Variants in IPO13 observed in about 807,000 individuals in gnomAD.
IPO13 encodes importin 13.
In IPO13, 28 loss-of-function variants were observed where a neutral mutation model predicts 115.5. That is an observed-to-expected ratio of 0.24 (90% CI 0.18 to 0.33). IPO13 has a LOEUF of 0.33. Among genes scored for constraint, IPO13 ranks in the 10% least tolerant of loss-of-function variants. The pLI is 1.00. For missense variants in IPO13, 785 were observed against 1,204.6 expected (o/e 0.65, Z 5.16); for synonymous variants, 414 against 478.9 (o/e 0.86, Z 1.77).
At position 43,966,101 on chromosome 1, in the gene IPO13, C is replaced by T; in HGVS notation, c.2398-474C>T. On this transcript the variant is annotated intron_variant, in intron 15 of 19. Coordinates refer to ENST00000372343, the MANE Select transcript of IPO13 (RefSeq NM_014652.4). The surrounding 1 kb of genome is among the most constrained non-coding windows in gnomAD (Gnocchi z 4.1). ...TTTTTGAGCAGGAGCTGGAGGGTGCCTCAGGAATACAGGAGGGACATGGGA... is the reference window on the plus strand; with the variant it reads ...TTTTTGAGCAGGAGCTGGAGGGTGCTTCAGGAATACAGGAGGGACATGGGA... The T allele has an allele frequency of 4.7e-6, 1 of 213,696 alleles. No individual in the cohort carries two copies. The highest frequency in any genetic ancestry group is 5.2e-5 in the Admixed American group (1 of 19,254). The allele number at this position is 213,696 out of a possible 1,614,324, so 13.2% of individuals were successfully genotyped here. A position where few individuals can be genotyped will look rare whatever the true frequency, so the allele number is the denominator to read the frequency against.
In IPO13 at chr1:43,958,286, C is replaced by A. The variant is rs1198100151; in HGVS notation, c.1749+18C>A. On this transcript the variant is annotated intron_variant, in intron 9 of 19. Transcript: ENST00000372343. This position sits in a 1 kb window ranked among gnomAD's most constrained non-coding sequence, Gnocchi z 6.3. The stretch of plus-strand genomic sequence containing the variant: ...TCCACAAGGTGCGGCTCAAAAGTTT[C>A]TAGGGGTCTCCTTGGAGGTCTTGTG... 3 of 1,614,000 alleles carry A rather than the reference C, an allele frequency of 1.9e-6. No homozygotes were observed. In the East Asian group the frequency reaches 6.7e-5, roughly 36 times the overall value.
At chr1:43,948,164 A>C (rs2085180561) in intron 1 of IPO13, among the ~76,000 whole-genome samples, 1 of 152,104 alleles carries the variant, frequency 6.6e-6, no homozygotes, top group Non-Finnish European at 1.5e-5. Flanking sequence ...TATTGGATGG[A>C]AGCCAGACCA....
At chr1:43,955,334 C>T (rs1189374835) in intron 2 of IPO13, among the ~76,000 whole-genome samples, 2 of 152,098 alleles carry the variant, frequency 1.3e-5, no homozygotes, top group Non-Finnish European at 2.9e-5. Context: ...TGTTCAATCA[C>T]CCCTGACAGA....
chr1:43,967,717 T>A lies in IPO13; in HGVS notation c.*35T>A. 4 of 1,581,804 alleles carry A rather than the reference T, an allele frequency of 2.5e-6. No homozygotes were observed. The highest frequency in any genetic ancestry group is 3.5e-6 in the Non-Finnish European group (4 of 1,151,098). ...CCATCCCATCCACCCCTTCTCTTCA[T>A]CCTTCCCTATTCCCAAAGAGTAAAC... is the stretch of plus-strand genomic sequence containing the variant. On this transcript the variant is annotated 3_prime_UTR_variant, in exon 20 of 20. Transcript: ENST00000372343. The surrounding 1 kb of genome is among the most constrained non-coding windows in gnomAD (Gnocchi z 6.1).
chr1:43,950,607 G>A (rs1409442515), intron 2 of IPO13, among the ~76,000 whole-genome samples: 1 of 150,566 alleles, frequency 6.6e-6, no homozygotes, highest in African/African-American at 2.5e-5. Context: ...GCTTTCAGTG[G>A]CTTCTCAATG....
At position 43,958,651 on chromosome 1, in the gene IPO13, G is replaced by A. The variant is rs962203715; in HGVS notation, c.1884+56G>A. 2.5e-6 allele frequency: 4 copies of A among 1,612,576 alleles called. No individual in the cohort carries two copies. The highest frequency in any genetic ancestry group is 3.4e-6 in the Non-Finnish European group (4 of 1,178,930). The stretch of plus-strand genomic sequence containing the variant: ...ACTGAGATGCTGTGGCTGATGAGGG[G>A]TGAGGTTGGAGCTGGCCCTCAGAGC... On this transcript the variant is annotated intron_variant, in intron 10 of 19. Transcript: ENST00000372343. The surrounding 1 kb of genome is among the most constrained non-coding windows in gnomAD (Gnocchi z 6.3).
rs555884453 is a variant in IPO13 at position 43,949,753 on chromosome 1, T to A, written c.421T>A (p.Cys141Ser). Residue 141 changes from cysteine to serine, a missense_variant, in exon 2 of 20, where the codon TGT becomes AGT. Physicochemically the swap from Cys to Ser is moderately radical, Grantham distance 112 (BLOSUM62 -1). Transcript: ENST00000372343. Reference sequence around the variant, plus strand: ...CAGCATGATGCCTGACGCTTGGCCATGTGCTGTGGCAGATATGGTACGACT... The same window carrying A: ...CAGCATGATGCCTGACGCTTGGCCAAGTGCTGTGGCAGATATGGTACGACT... ...ALSMMPDAWP[C>S]AVADMVRLFQ... 6.2e-7 allele frequency: 1 copy of A among 1,614,184 alleles called. No individual in the cohort carries two copies. The highest frequency in any genetic ancestry group is 2.2e-5 in the East Asian group (1 of 44,888).
At chr1:43,961,767 A>G (rs1293227725) in intron 14 of IPO13, among the ~76,000 whole-genome samples, 1 of 152,194 alleles carries the variant, frequency 6.6e-6, no homozygotes, top group Non-Finnish European at 1.5e-5. Flanking sequence ...TTAAAGTCAC[A>G]TCTTCTGGGC....
intron 15 of IPO13, 21 bp downstream of exon 15, chr1:43,964,342 T>G (rs2085308156): frequency 4.5e-6 from 7 of 1,557,172 alleles, no homozygotes; most frequent in Non-Finnish European, 6.2e-6. Context: ...GTTTTATTCA[T>G]TCACGTTCTG....
intron 14 of IPO13, 134 bp downstream of exon 14, chr1:43,961,396 G>A: frequency 1.3e-6 from 1 of 763,982 alleles, no homozygotes; most frequent in Admixed American, 1.8e-5. Context: ...GGAAACCTGT[G>A]AGATCAAGCA....
chr1:43,958,069 G>C lies in IPO13; in HGVS notation c.1633G>C (p.Val545Leu). ...TGCCCTAGGCAATCCTGAGCTGTCT[G>C]TCTCTTCTGTGTCCACCCTCAAGAA... ...LHALGNPELS[V>L]SSVSTLKKIC... The change falls in exon 8 of 20, where the codon GTC (valine) becomes CTC (leucine). Residue 545 changes from valine to leucine, a missense_variant. Val to Leu is a conservative substitution (Grantham distance 32). Around this residue, in one of 3 missense-constraint regions of IPO13, gnomAD observed 175 missense variants for 360.0 expected, o/e 0.49. Transcript: ENST00000372343. The surrounding 1 kb of genome is among the most constrained non-coding windows in gnomAD (Gnocchi z 6.3). The C allele has an allele frequency of 6.2e-7, 1 of 1,614,156 alleles. No individual in the cohort carries two copies. The highest frequency in any genetic ancestry group is 8.5e-7 in the Non-Finnish European group (1 of 1,180,018).
rs2085324940 is a variant in IPO13, at chr1:43,966,412, A to G, written c.2398-163A>G. On this transcript the variant is annotated intron_variant, in intron 15 of 19. Transcript: ENST00000372343. This position sits in a 1 kb window ranked among gnomAD's most constrained non-coding sequence, Gnocchi z 4.1. ...CCCTTGAGCTGTCCTCACCTGACCT[A>G]CTGAACTCTGAGGTGGTCCGGGTCC... 4.4e-6 allele frequency: 3 copies of G among 685,876 alleles called. No homozygotes were observed. In the East Asian group the frequency reaches 8.1e-5, roughly 18 times the overall value. 42.5% of individuals were successfully genotyped at this position (685,876 alleles called of 1,614,324 possible). A position where few individuals can be genotyped will look rare whatever the true frequency, so the allele number is the denominator to read the frequency against.
Position 43,949,982 on chromosome 1 carries a change from G to A in IPO13, c.650G>A (p.Cys217Tyr), listed in dbSNP as rs755322606. ...QLLQQPSSPS[C>Y]VRQKVLKCFS... is the part of the protein sequence containing the mutation. ...CTACAGCAGCCCAGCTCACCCAGCT[G>A]TGTGCGTCAGAAGGTGCTCAAGTGT... Residue 217 changes from cysteine (C) to tyrosine (Y), a missense_variant, in exon 2 of 20, where the codon TGT becomes TAT. Cys to Tyr is a radical substitution (Grantham distance 194, BLOSUM62 -2). This residue lies in a region of IPO13 where 325 missense variants were observed against 449.8 expected (regional missense o/e 0.72). Coordinates refer to ENST00000372343, the MANE Select transcript of IPO13 (RefSeq NM_014652.4). 2.5e-6 allele frequency: 4 copies of A among 1,612,152 alleles called. No individual in the cohort carries two copies. The highest frequency in any genetic ancestry group is 3.4e-6 in the Non-Finnish European group (4 of 1,179,636).
rs1414257159 is a variant in IPO13 at position 43,956,162 on chromosome 1, C to T, written c.822-158C>T. On this transcript the variant is annotated intron_variant, in intron 2 of 19. Coordinates refer to ENST00000372343, the MANE Select transcript of IPO13 (RefSeq NM_014652.4). This position sits in a 1 kb window ranked among gnomAD's most constrained non-coding sequence, Gnocchi z 4.7. ...CTAAGGTTCTTCCCAACATTGGGAA[C>T]ATCAAATCTGCCATGTAGACCCTGA... is the stretch of plus-strand genomic sequence containing the variant. Among the ~76,000 whole-genome samples the T allele has an allele frequency of 6.6e-6, 1 of 152,132 alleles. No individual in the cohort carries two copies. The highest frequency in any genetic ancestry group is 1.5e-5 in the Non-Finnish European group (1 of 68,040).
At position 43,958,175 on chromosome 1, in the gene IPO13, G is replaced by A. The variant is rs750161695; in HGVS notation, c.1722+17G>A. On this transcript the variant is annotated intron_variant, in intron 8 of 19. Coordinates refer to ENST00000372343, the MANE Select transcript of IPO13 (RefSeq NM_014652.4). The surrounding 1 kb of genome is among the most constrained non-coding windows in gnomAD (Gnocchi z 6.3). ...GTGTCCCAGGTATGCAGGGGCCCTG[G>A]ATGGTGCTGGGCCTCAGAGCACACT... The A allele has an allele frequency of 2.5e-6, 4 of 1,613,712 alleles. No individual in the cohort carries two copies. The African/African-American group carries it at 4.0e-5, about 16-fold the overall frequency.
In IPO13 at chr1:43,956,349, C is replaced by T. The variant is rs147434747; in HGVS notation, c.851C>T (p.Pro284Leu). 25 of 1,614,030 alleles carry T rather than the reference C, an allele frequency of 1.5e-5. No homozygotes were observed. The highest frequency in any genetic ancestry group is 1.3e-4 in the South Asian group (12 of 91,084). ...RYVNTLLKLI[P>L]LVLGLQEQLR... ...GTGAACACACTCCTGAAACTCATCC[C>T]GCTGGTGCTGGGTCTGCAGGAACAA... The change falls in exon 3 of 20, where the codon CCG becomes CTG. Residue 284 changes from proline (P) to leucine (L), a missense_variant. By Grantham distance (98) the Pro-to-Leu change is moderately conservative (BLOSUM62 -3). Transcript: ENST00000372343. This position sits in a 1 kb window ranked among gnomAD's most constrained non-coding sequence, Gnocchi z 4.7.
Position 43,956,496 on chromosome 1 carries a change from G to T in IPO13, c.962+36G>T, listed in dbSNP as rs756839037. ...GAGCAGCTTGGGGTGGGATAGTAGG[G>T]CCCTCTAAGAAATGGGGTTCTGGAA... On this transcript the variant is annotated intron_variant, in intron 3 of 19. Coordinates refer to ENST00000372343, the MANE Select transcript of IPO13 (RefSeq NM_014652.4). The surrounding 1 kb of genome is among the most constrained non-coding windows in gnomAD (Gnocchi z 4.7). 1.9e-6 allele frequency: 3 copies of T among 1,613,906 alleles called. No individual in the cohort carries two copies. In the Admixed American group the frequency reaches 5.0e-5, roughly 27 times the overall value.
Position 43,956,496 on chromosome 1 carries a change from G to C in IPO13, c.962+36G>C, listed in dbSNP as rs756839037. 2.5e-6 allele frequency: 4 copies of C among 1,614,024 alleles called. No individual in the cohort carries two copies. Among genetic ancestry groups the C allele is most frequent in the Non-Finnish European group, 3.4e-6 (4 of 1,179,944 alleles). ...GAGCAGCTTGGGGTGGGATAGTAGG[G>C]CCCTCTAAGAAATGGGGTTCTGGAA... is the stretch of plus-strand genomic sequence containing the variant. On this transcript the variant is annotated intron_variant, in intron 3 of 19. Coordinates refer to ENST00000372343, the MANE Select transcript of IPO13 (RefSeq NM_014652.4). This position sits in a 1 kb window ranked among gnomAD's most constrained non-coding sequence, Gnocchi z 4.7.
At position 43,956,468 on chromosome 1, in the gene IPO13, G is replaced by A; in HGVS notation, c.962+8G>A. The A allele has an allele frequency of 6.2e-7, 1 of 1,614,196 alleles. No homozygotes were observed. On this transcript the variant is annotated splice_region_variant and intron_variant, in intron 3 of 19. Coordinates refer to ENST00000372343, the MANE Select transcript of IPO13 (RefSeq NM_014652.4). The surrounding 1 kb of genome is among the most constrained non-coding windows in gnomAD (Gnocchi z 4.7). The stretch of plus-strand genomic sequence containing the variant: ...GGGCGAGAACCACTCCCGGTAAAGG[G>A]TGGAGCAGCTTGGGGTGGGATAGTA...
Sources: allele counts gnomAD v4.1 joint callset (sites outside exome capture counted in the v4.1 genomes callset), GRCh38; gene constraint gnomAD v4.1.1; regional missense constraint gnomAD v4.1.1; non-coding constraint Gnocchi (gnomAD v3.1); transcripts MANE v1.5; gene names NCBI Gene and HGNC (gene_info 2026-07-23, HGNC 2026-07-21).